Variants in SYNE2 observed in about 807,000 individuals in gnomAD.
The protein encoded by SYNE2 is spectrin repeat containing nuclear envelope protein 2, also known as nesprin-2.
In SYNE2, 431 loss-of-function variants were observed where a neutral mutation model predicts 856.3. The ratio of observed to expected loss-of-function variants is 0.50; its 90% CI spans 0.47 to 0.55. The LOEUF is 0.55. SYNE2 is among the 20% of genes least tolerant of loss of function. The pLI is 0.00. For synonymous variants in SYNE2, 2,923 were observed against 2,872.3 expected (o/e 1.02, Z -0.56); for missense variants, 8,129 against 8,023.2 (o/e 1.01, Z -0.50).
chr14:63,793,506 T>A (rs1464416746), intron 1 of SYNE2, among the ~76,000 whole-genome samples: 6 of 151,940 alleles, frequency 3.9e-5, no homozygotes, highest in African/African-American at 1.4e-4. Flanking sequence ...TCGAGTTAGC[T>A]CTTGAAAAGT....
chr14:64,165,546 T>C (rs901982945), intron 90 of SYNE2, 136 bp downstream of exon 90: 1 of 965,554 alleles, frequency 1.0e-6, no homozygotes, highest in Non-Finnish European at 1.6e-6. Flanking sequence ...GGACTCTCGC[T>C]CTGTCACCCA....
intron 54 of SYNE2, among the ~76,000 whole-genome samples, chr14:64,077,000 A>G (rs1325135723): frequency 6.6e-6 from 1 of 152,182 alleles, no homozygotes; most frequent in African/African-American, 2.4e-5. Flanking sequence ...TTTCAGGAAA[A>G]TACTAAATAT....
rs771135457 is a variant in SYNE2, at chr14:64,210,080, G to T, written c.18679G>T (p.Asp6227Tyr). The T allele has an allele frequency of 6.2e-7, 1 of 1,613,966 alleles. No homozygotes were observed. Among genetic ancestry groups the T allele is most frequent in the Non-Finnish European group, 8.5e-7 (1 of 1,180,028 alleles). ...GGTCCACGAGGGCAACCAGCGCTGGGACAACCTTCAGAGGCGGGTCACAGC... is the reference window on the plus strand; with the variant it reads ...GGTCCACGAGGGCAACCAGCGCTGGTACAACCTTCAGAGGCGGGTCACAGC... ...QMVHEGNQRW[D>Y]NLQRRVTAVL... The change falls in exon 103 of 116, where the codon GAC becomes TAC. Residue 6227 changes from aspartate (D) to tyrosine (Y), a missense_variant. Asp to Tyr is a radical substitution (Grantham distance 160). Transcript: ENST00000555002.
In SYNE2 at chr14:64,165,407, C is replaced by T. The variant is rs748802577; in HGVS notation, c.16602C>T (p.Phe5534=). 4 of 1,613,460 alleles carry T rather than the reference C, an allele frequency of 2.5e-6. No individual in the cohort carries two copies. The highest frequency in any genetic ancestry group is 3.4e-6 in the Non-Finnish European group (4 of 1,179,838). The change falls in exon 90 of 116, where the codon TTC becomes TTT. Residue 5534 remains phenylalanine, a synonymous_variant. Coordinates refer to ENST00000555002, the MANE Select transcript of SYNE2 (RefSeq NM_182914.3). Reference sequence around the variant, plus strand: ...AGGAAAAAGAAAATCCTGACTCATTCCTGGTATTGCCAATATTTGTCTTTT... The same window carrying T: ...AGGAAAAAGAAAATCCTGACTCATTTCTGGTATTGCCAATATTTGTCTTTT... The part of the protein sequence containing the change: ...HQQEKENPDS[F]LNHVLALTAQ...
intron 1 of SYNE2, among the ~76,000 whole-genome samples, chr14:63,903,688 G>C (rs576891803): frequency 6.6e-6 from 1 of 152,056 alleles, no homozygotes; most frequent in African/African-American, 2.4e-5. Flanking sequence ...AATACTTCTT[G>C]GTTCTCCAGT....
At chr14:64,026,783 A>G (rs1207673692) in intron 42 of SYNE2, 53 bp downstream of exon 42, 2 of 1,561,630 alleles carry the variant, frequency 1.3e-6, no homozygotes, top group African/African-American at 1.4e-5. Context: ...CAGTGAAGCC[A>G]TAACAAGTAT....
chr14:63,827,744 A>G (rs1315674635), intron 1 of SYNE2, among the ~76,000 whole-genome samples: 1 of 151,496 alleles, frequency 6.6e-6, no homozygotes, highest in African/African-American at 2.4e-5. Context: ...GCACAGTATT[A>G]CACTCTCACA....
intron 1 of SYNE2, among the ~76,000 whole-genome samples, chr14:63,871,741 G>T (rs1896905092): frequency 1.3e-5 from 2 of 151,966 alleles, no homozygotes; most frequent in African/African-American, 4.8e-5. Flanking sequence ...CTGCCTGCCT[G>T]CCTCAGCCTC....
At chr14:64,006,731 G>A (rs1393069819) in intron 30 of SYNE2, among the ~76,000 whole-genome samples, 1 of 152,116 alleles carries the variant, frequency 6.6e-6, no homozygotes, top group Non-Finnish European at 1.5e-5. Context: ...GGGAGACTGA[G>A]GTGGGAGGAT....
intron 1 of SYNE2, among the ~76,000 whole-genome samples, chr14:63,888,676 G>A (rs1456545398): frequency 6.6e-6 from 1 of 152,056 alleles, no homozygotes; most frequent in Non-Finnish European, 1.5e-5. Flanking sequence ...GTAAATTATT[G>A]ACAAGTAAAA....
In SYNE2 at chr14:63,863,641, G is replaced by C. The variant is rs538303846; in HGVS notation, c.-52+10498G>C. On this transcript the variant is annotated intron_variant, in intron 1 of 115. Transcript: ENST00000555002. The stretch of plus-strand genomic sequence containing the variant: ...CAAATGCATATAAGCTGTTACTATA[G>C]TATAATGGTGAGTTATAGCCAGTGT... Among the ~76,000 whole-genome samples, 8 of 152,106 alleles carry C rather than the reference G, an allele frequency of 5.3e-5. No homozygotes were observed. The East Asian group carries it at 1.5e-3, about 29-fold the overall frequency.
Position 63,768,276 on chromosome 14 carries a change from A to G in SYNE2, c.-305+6290A>G, listed in dbSNP as rs988857993. 9.9e-5 allele frequency among the ~76,000 whole-genome samples: 15 copies of G among 152,208 alleles called. No homozygotes were observed. In the East Asian group the frequency reaches 2.7e-3, roughly 27 times the overall value. On this transcript the variant is annotated intron_variant, in intron 1 of 23. Transcript: ENST00000674003. Reference sequence around the variant, plus strand: ...TTGAGTTGACTTGAAGTAAAATTAAATTATAACAACAAAACAAGTGACAAA... The same window carrying G: ...TTGAGTTGACTTGAAGTAAAATTAAGTTATAACAACAAAACAAGTGACAAA...
In SYNE2 at chr14:63,991,068, T is replaced by C; in HGVS notation, c.2599T>C (p.Leu867=). The C allele has an allele frequency of 6.2e-7, 1 of 1,614,130 alleles. No homozygotes were observed. Among genetic ancestry groups the C allele is most frequent in the Non-Finnish European group, 8.5e-7 (1 of 1,180,002 alleles). ...ATCATATATGATGAGGGCTCAGCAG[T>C]TACTGGGGCAAAGAGAGAGCCCCGG... The part of the protein sequence containing the change: ...LESYMMRAQQ[L]LGQRESPGEL... Residue 867 remains leucine (L), a synonymous_variant, in exon 21 of 116, where the codon TTA becomes CTA. Coordinates refer to ENST00000555002, the MANE Select transcript of SYNE2 (RefSeq NM_182914.3).
At position 64,046,583 on chromosome 14, in the gene SYNE2, T is replaced by C. The variant is rs144758267; in HGVS notation, c.7222-1417T>C. 5.9e-5 allele frequency among the ~76,000 whole-genome samples: 9 copies of C among 152,294 alleles called. No homozygotes were observed. In the East Asian group the frequency reaches 1.5e-3, roughly 26 times the overall value. On this transcript the variant is annotated intron_variant, in intron 45 of 115. Transcript: ENST00000555002. ...ACCCATGGTGAACTCCTTGAACTTC[T>C]GGGATCAAGCAATCCACCTACCTCG...
intron 66 of SYNE2, 124 bp from the exon 67 acceptor site, chr14:64,119,302 TC>T: frequency 7.7e-7 from 1 of 1,290,560 alleles, no homozygotes; most frequent in Non-Finnish European, 1.1e-6. Context: ...CAGGGTTTCT[TC>T]CATCCTGTGT....
intron 1 of SYNE2, among the ~76,000 whole-genome samples, chr14:63,846,229 G>T (rs928236022): frequency 6.6e-6 from 1 of 151,506 alleles, no homozygotes; most frequent in African/African-American, 2.4e-5. Context: ...TGTACTTTTT[G>T]GAGAGACAGG....
intron 1 of SYNE2, among the ~76,000 whole-genome samples, chr14:63,823,341 G>A (rs1350653363): frequency 1.3e-5 from 2 of 151,948 alleles, no homozygotes; most frequent in Non-Finnish European, 2.9e-5. Flanking sequence ...ATCATGCCTA[G>A]CGCATTCGTA....
upstream of SYNE2, among the ~76,000 whole-genome samples, chr14:63,850,724 C>T (rs1890382078): frequency 6.6e-6 from 1 of 151,950 alleles, no homozygotes; most frequent in South Asian, 2.1e-4. Flanking sequence ...TTAGAGACAC[C>T]TAAAAATATT....
At position 64,219,220 on chromosome 14, in the gene SYNE2, G is replaced by C; in HGVS notation, c.19670G>C (p.Arg6557Thr). 6.2e-7 allele frequency: 1 copy of C among 1,611,920 alleles called. No individual in the cohort carries two copies. The highest frequency in any genetic ancestry group is 1.1e-5 in the South Asian group (1 of 91,030). The change falls in exon 110 of 116, where the codon AGA becomes ACA. Residue 6557 changes from arginine to threonine, a missense_variant. Transcript: ENST00000555002. ...ITEQQSGAFD[R>T]WEMIQAQELH... ...TTTTTAATTCCAGGTGCCTTCGACA[G>C]ATGGGAGATGATTCAAGCACAGGAG...
Sources: gnomAD v4.1 joint callset for allele counts (sites outside exome capture counted in the v4.1 genomes callset) on GRCh38, gnomAD v4.1.1 for gene constraint, MANE v1.5 for transcripts, NCBI Gene and HGNC (gene_info 2026-07-23, HGNC 2026-07-21) for gene names.